TXLNB: variants seen among roughly 807,000 people sequenced by gnomAD.
TXLNB encodes taxilin beta.
A neutral mutation model predicts 57.4 loss-of-function variants in TXLNB; 37 were observed. The ratio of observed to expected loss-of-function variants is 0.64; its 90% confidence interval spans 0.50 to 0.85. The LOEUF (loss-of-function observed/expected upper bound fraction) is 0.85, where lower values mean the gene tolerates loss of function less well. Among genes scored for constraint, TXLNB ranks in the 40% least tolerant of loss-of-function variants. The pLI, the probability that TXLNB is intolerant of heterozygous loss-of-function variation, is 0.00. For synonymous variants in TXLNB, 302 were observed against 309.6 expected, an observed-to-expected ratio of 0.98 and a Z score of 0.26; for missense variants, 848 against 825.6, an observed-to-expected ratio of 1.03 and a Z score of -0.33.
chr6:139,218,679 G>A, the TXLNB span, among the ~76,000 whole-genome samples: 1 of 152,164 alleles, frequency 6.6e-6, no homozygotes, highest in Non-Finnish European at 1.5e-5. Context: ...TTGAACCTGG[G>A]AGGTGGAGGT....
At chr6:139,194,720 T>C in the TXLNB span, among the ~76,000 whole-genome samples, 1 of 152,224 alleles carries the variant, frequency 6.6e-6, no homozygotes, top group African/African-American at 2.4e-5. Flanking sequence ...AACAGCCCTG[T>C]CTGCAAAACT....
At position 139,281,536 on chromosome 6, in the gene TXLNB, GTTCT is replaced by G. The variant is rs1414468368; in HGVS notation, c.425-4619_425-4616del. Among the ~76,000 whole-genome samples the G allele has an allele frequency of 2.2e-5, 2 of 91,002 alleles. 1 individual carries two copies. The highest frequency in any genetic ancestry group is 3.8e-5 in the Non-Finnish European group (2 of 52,670). The allele number at this position is 91,002 out of a possible 152,430, so 59.7% of individuals were successfully genotyped here. On this transcript the variant is annotated intron_variant, in intron 2 of 9. Transcript: ENST00000358430. ...CACTCAGTAGGAGAGTGGATCTGGA[GTTCT>G]TTTTTTTTTTTTTTTTTTTTTTTTT... is the stretch of plus-strand genomic sequence containing the variant.
At chr6:139,219,726 G>T in the TXLNB span, among the ~76,000 whole-genome samples, 1 of 152,104 alleles carries the variant, frequency 6.6e-6, no homozygotes, top group African/African-American at 2.4e-5. Context: ...ACTCTGGGCT[G>T]GAAAATCTCA....
chr6:139,305,490 A>G, the TXLNB span, among the ~76,000 whole-genome samples: 1 of 152,196 alleles, frequency 6.6e-6, no homozygotes, highest in Non-Finnish European at 1.5e-5. Flanking sequence ...GTTATATAAC[A>G]TCTGTGGATT....
At chr6:139,264,422 T>C (rs915442250) in intron 4 of TXLNB, among the ~76,000 whole-genome samples, 5 of 152,148 alleles carry the variant, frequency 3.3e-5, no homozygotes, top group African/African-American at 4.8e-5. Context: ...GTTTTTTTTT[T>C]AATTGGGAAC....
the TXLNB span, chr6:139,166,649 A>G: frequency 1.7e-5 from 28 of 1,614,182 alleles, no homozygotes; most frequent in Non-Finnish European, 2.3e-5. Flanking sequence ...GAACACAGGG[A>G]GGCCTCCTGG....
chr6:139,254,436 C>T (rs1017720480), intron 7 of TXLNB, among the ~76,000 whole-genome samples: 3 of 152,098 alleles, frequency 2.0e-5, no homozygotes, highest in Non-Finnish European at 4.4e-5. Flanking sequence ...TCCTTGCCTT[C>T]GGTGAATTTC....
the TXLNB span, among the ~76,000 whole-genome samples, chr6:139,298,848 TG>T: frequency 2.0e-5 from 3 of 152,202 alleles, no homozygotes; most frequent in Non-Finnish European, 4.4e-5. Context: ...GCGAGTCTCT[TG>T]GAATCAAGTT....
the TXLNB span, among the ~76,000 whole-genome samples, chr6:139,219,968 C>T: frequency 6.6e-6 from 1 of 152,292 alleles, no homozygotes; most frequent in East Asian, 1.9e-4. Context: ...CCTTCATTTC[C>T]TGACAGCTGA....
chr6:139,160,757 A>G, the TXLNB span, among the ~76,000 whole-genome samples: 1 of 152,238 alleles, frequency 6.6e-6, no homozygotes, highest in Admixed American at 6.5e-5. Flanking sequence ...TGTTCAAAAC[A>G]TTGGAAAAAG....
chr6:139,204,211 C>T, the TXLNB span, among the ~76,000 whole-genome samples: 1,130 of 152,168 alleles, frequency 7.4e-3, 13 homozygotes, highest in African/African-American at 0.026. Context: ...CTAGGGCTAC[C>T]ATGCCCGGCT....
the TXLNB span, among the ~76,000 whole-genome samples, chr6:139,321,854 G>A: frequency 7.2e-5 from 11 of 151,780 alleles, no homozygotes; most frequent in African/African-American, 1.9e-4. Flanking sequence ...GGATGGTCTC[G>A]ATCTCCTGAC....
chr6:139,256,886 G>T (rs1292946646), intron 6 of TXLNB, among the ~76,000 whole-genome samples: 2 of 152,188 alleles, frequency 1.3e-5, no homozygotes, highest in Admixed American at 1.3e-4. Flanking sequence ...TCTGGATATC[G>T]GTGGCCTGTG....
the TXLNB span, among the ~76,000 whole-genome samples, chr6:139,229,383 C>A: frequency 3.9e-5 from 6 of 152,154 alleles, no homozygotes; most frequent in South Asian, 6.2e-4. Context: ...AGACCAATGG[C>A]GTGGTCTTGG....
At chr6:139,253,742 G>C (rs1358416500) in intron 7 of TXLNB, among the ~76,000 whole-genome samples, 1 of 152,180 alleles carries the variant, frequency 6.6e-6, no homozygotes, top group Non-Finnish European at 1.5e-5. Context: ...TCTGATGCCA[G>C]CTGAGTGAAT....
At chr6:139,175,581 T>C in the TXLNB span, among the ~76,000 whole-genome samples, 2 of 152,208 alleles carry the variant, frequency 1.3e-5, no homozygotes, top group Non-Finnish European at 2.9e-5. Context: ...GAAAGAACTT[T>C]TGAGCCTGTT....
At position 139,288,590 on chromosome 6, in the gene TXLNB, C is replaced by T. The variant is rs1159656135; in HGVS notation, c.310G>A (p.Glu104Lys). 1 of 1,614,202 alleles carries T rather than the reference C, an allele frequency of 6.2e-7. No homozygotes were observed. Among genetic ancestry groups the T allele is most frequent in the African/African-American group, 1.3e-5 (1 of 75,046 alleles). The change falls in exon 2 of 10, where the codon GAA becomes AAA. Residue 104 changes from glutamate (E) to lysine (K), a missense_variant. Coordinates refer to ENST00000358430, the MANE Select transcript of TXLNB (RefSeq NM_153235.4). ...TCTCTTCCAGCCTCTTCAGTTGTTT[C>T]CTCACAGTCCCCATCCTCGTTGTCA... Reference protein sequence around the residue: ...SPDNEDGDCEETTEEAGREPV... With the variant: ...SPDNEDGDCEKTTEEAGREPV...
the TXLNB span, among the ~76,000 whole-genome samples, chr6:139,310,799 A>C: frequency 6.6e-6 from 1 of 152,158 alleles, no homozygotes; most frequent in South Asian, 2.1e-4. Context: ...GATTCAAGTG[A>C]TTCTCCTGCC....
At chr6:139,233,199 A>G in the TXLNB span, among the ~76,000 whole-genome samples, 1 of 151,828 alleles carries the variant, frequency 6.6e-6, no homozygotes, top group Non-Finnish European at 1.5e-5. Context: ...ACTTAAAAAC[A>G]CATTCAAATA....
Sources: allele counts gnomAD v4.1 joint callset (sites outside exome capture counted in the v4.1 genomes callset), GRCh38; gene constraint gnomAD v4.1.1; transcripts MANE v1.5; gene names NCBI Gene and HGNC (gene_info 2026-07-23, HGNC 2026-07-21).